NHSL1: variants seen among roughly 807,000 people sequenced by gnomAD.
NHSL1 encodes the protein NHS-like protein 1.
Under a neutral mutation model 95.0 loss-of-function variants are expected in NHSL1, and 48 were observed. The ratio of observed to expected loss-of-function variants is 0.51; its 90% CI spans 0.40 to 0.64. NHSL1 has a LOEUF of 0.64. Ranked by LOEUF, NHSL1 falls within the 30% of genes least tolerant of loss-of-function variation. NHSL1 has a pLI of 0.00. For synonymous variants in NHSL1, 783 were observed against 833.9 expected (o/e 0.94, Z 1.05); for missense variants, 1,971 against 2,077.7 (o/e 0.95, Z 1.00).
rs1202175338 is a variant in NHSL1, at chr6:138,424,177, C to T, written c.4725G>A (p.Leu1575=). The change falls in exon 8 of 8, where the codon CTG becomes CTA. Residue 1575 remains leucine (L), a synonymous_variant. Coordinates refer to ENST00000343505, the MANE Select transcript of NHSL1 (RefSeq NM_001144060.2). The surrounding 1 kb of genome is among the most constrained non-coding windows in gnomAD (Gnocchi z 5.9). ...CCACAGGGCCGGGGGCCTGGGGCTG[C>T]AGGGAGGCGGCAGGCCCCTCCCCAC... The part of the protein sequence containing the change: ...LLCGEGPAAS[L]QPQAPGPVDG... The T allele has an allele frequency of 5.4e-6, 8 of 1,468,114 alleles. No homozygotes were observed. Among genetic ancestry groups the T allele is most frequent in the Non-Finnish European group, 7.2e-6 (8 of 1,113,362 alleles). The allele number at this position is 1,468,114 out of a possible 1,614,324, so 90.9% of individuals were successfully genotyped here. A position where few individuals can be genotyped will look rare whatever the true frequency, so the allele number is the denominator to read the frequency against.
intron 1 of NHSL1, among the ~76,000 whole-genome samples, chr6:138,628,248 G>A (rs1399040789): frequency 6.6e-6 from 1 of 150,970 alleles, no homozygotes; most frequent in Admixed American, 6.6e-5. Flanking sequence ...GGAAGCGGAG[G>A]TTGCGGTGAG....
intron 1 of NHSL1, among the ~76,000 whole-genome samples, chr6:138,596,074 T>C (rs1784299655): frequency 6.6e-6 from 1 of 152,152 alleles, no homozygotes; most frequent in South Asian, 2.1e-4. Flanking sequence ...TTGCAGGTCT[T>C]ATGCAAAGGA....
chr6:138,626,493 A>G (rs573768695), intron 1 of NHSL1, among the ~76,000 whole-genome samples: 1 of 152,318 alleles, frequency 6.6e-6, no homozygotes, highest in South Asian at 2.1e-4. Flanking sequence ...CCATTAAAAC[A>G]CAGAATTTAA....
chr6:138,652,932 T>C (rs1182389113), intron 1 of NHSL1, among the ~76,000 whole-genome samples: 3 of 152,200 alleles, frequency 2.0e-5, no homozygotes, highest in Non-Finnish European at 4.4e-5. Flanking sequence ...GGCACTGGGA[T>C]TGAGGTTAGC....
chr6:138,580,888 G>A (rs1030030663), intron 1 of NHSL1, among the ~76,000 whole-genome samples: 1 of 152,202 alleles, frequency 6.6e-6, no homozygotes, highest in Non-Finnish European at 1.5e-5. Flanking sequence ...AGCCCTGGGC[G>A]GGCTATAAAC....
At chr6:138,490,576 G>C (rs1224061090) in intron 2 of NHSL1, among the ~76,000 whole-genome samples, 1 of 152,152 alleles carries the variant, frequency 6.6e-6, no homozygotes, top group Non-Finnish European at 1.5e-5. Context: ...GTCGGTAACT[G>C]TAGAGAAATC....
chr6:138,451,777 A>G (rs1777253624), intron 3 of NHSL1, among the ~76,000 whole-genome samples: 1 of 152,226 alleles, frequency 6.6e-6, no homozygotes, highest in South Asian at 2.1e-4. Context: ...GAAACAGTGT[A>G]AAATAACAAT....
chr6:138,624,600 G>T (rs989331667), intron 1 of NHSL1, among the ~76,000 whole-genome samples: 1 of 152,132 alleles, frequency 6.6e-6, no homozygotes, highest in African/African-American at 2.4e-5. Context: ...TTTCCTGAAT[G>T]GACAATTAAG....
rs1367384472 is a variant in NHSL1 at position 138,431,280 on chromosome 6, G to A, written c.3065C>T (p.Pro1022Leu). 2 of 1,503,192 alleles carry A rather than the reference G, an allele frequency of 1.3e-6. No individual in the cohort carries two copies. Among genetic ancestry groups the A allele is most frequent in the East Asian group, 4.9e-5 (2 of 40,488 alleles). The allele number at this position is 1,503,192 out of a possible 1,614,324, so 93.1% of individuals were successfully genotyped here. The change falls in exon 6 of 8, where the codon CCT (proline) becomes CTT (leucine). Residue 1022 changes from proline to leucine, a missense_variant. Transcript: ENST00000343505. This position sits in a 1 kb window ranked among gnomAD's most constrained non-coding sequence, Gnocchi z 4.0. ...PPLLPSSEPP[P>L]APPLDPKFMK... ...GAATTTGGGGTCAAGAGGTGGGGCA[G>A]GTGGGGGTTCCGAGGAAGGTAAGAG...
chr6:138,606,540 C>A (rs1784435928), intron 1 of NHSL1, among the ~76,000 whole-genome samples: 1 of 152,158 alleles, frequency 6.6e-6, no homozygotes, highest in East Asian at 1.9e-4. Context: ...GCCCTTATCA[C>A]AGATCCACTT....
At chr6:138,643,597 T>C (rs1228510497) in intron 1 of NHSL1, among the ~76,000 whole-genome samples, 1 of 152,188 alleles carries the variant, frequency 6.6e-6, no homozygotes, top group Non-Finnish European at 1.5e-5. Flanking sequence ...ATACCTGAAT[T>C]AGCACTTAGA....
chr6:138,435,627 G>C (rs1470681968), intron 5 of NHSL1, among the ~76,000 whole-genome samples: 1 of 151,742 alleles, frequency 6.6e-6, no homozygotes, highest in African/African-American at 2.4e-5. Context: ...AAAAGTTTCA[G>C]AATATGATAG....
Position 138,433,623 on chromosome 6 carries a change from T to C in NHSL1, c.722A>G (p.Tyr241Cys), listed in dbSNP as rs1235515969. Residue 241 changes from tyrosine to cysteine, a missense_variant, in exon 6 of 8, where the codon TAC becomes TGC. This residue lies in a region of NHSL1 where 1,602 missense variants were observed against 1,654.5 expected (regional missense o/e 0.97). Coordinates refer to ENST00000343505, the MANE Select transcript of NHSL1 (RefSeq NM_001144060.2). ...DGHSVYTPDH[Y>C]STLGRFNSCR... ...GCTATTGAACCTTCCTAGTGTAGAG[T>C]AGTGATCAGGGGTGTACACTGAGTG... 8 of 1,551,886 alleles carry C rather than the reference T, an allele frequency of 5.2e-6. No homozygotes were observed. The highest frequency in any genetic ancestry group is 4.9e-5 in the East Asian group (2 of 40,910).
chr6:138,545,750 C>T (rs780185641), upstream of NHSL1: 126 of 1,225,440 alleles, frequency 1.0e-4, no homozygotes, highest in Middle Eastern at 2.3e-4. Flanking sequence ...GAGAGCGGGG[C>T]GGCCAGCCAG....
chr6:138,509,110 C>T (rs1781100209), intron 1 of NHSL1, among the ~76,000 whole-genome samples: 1 of 152,200 alleles, frequency 6.6e-6, no homozygotes, highest in Non-Finnish European at 1.5e-5. Flanking sequence ...TTTCTGAATG[C>T]CTATAAAGGA....
chr6:138,424,954 G>T lies in NHSL1; in HGVS notation c.4086-138C>A. 1 of 729,848 alleles carries T rather than the reference G, an allele frequency of 1.4e-6. No homozygotes were observed. Among genetic ancestry groups the T allele is most frequent in the Non-Finnish European group, 2.2e-6 (1 of 455,982 alleles). The allele number at this position is 729,848 out of a possible 1,614,324, so 45.2% of individuals were successfully genotyped here. ...TTTCAAAAAATTTATTTTTGACTGG[G>T]CACAGTGGCTCACACCTGTAATCCC... On this transcript the variant is annotated intron_variant, in intron 7 of 7. Transcript: ENST00000343505. This position sits in a 1 kb window ranked among gnomAD's most constrained non-coding sequence, Gnocchi z 5.9.
chr6:138,670,641 G>A (rs1442347934), intron 1 of NHSL1, among the ~76,000 whole-genome samples: 1 of 143,212 alleles, frequency 7.0e-6, no homozygotes, highest in Admixed American at 6.9e-5. Flanking sequence ...ACTCCAGCCT[G>A]GGCGACAAAG....
chr6:138,528,792 T>A (rs918540323), intron 1 of NHSL1, among the ~76,000 whole-genome samples: 1 of 152,182 alleles, frequency 6.6e-6, no homozygotes, highest in African/African-American at 2.4e-5. Flanking sequence ...GTTTTTAGAA[T>A]TGCAGTAAGA....
chr6:138,472,479 T>C (rs1778816742), intron 3 of NHSL1, among the ~76,000 whole-genome samples: 1 of 152,198 alleles, frequency 6.6e-6, no homozygotes, highest in Non-Finnish European at 1.5e-5. Context: ...AAAAGGACAA[T>C]AAATTTTGAA....
Sources: gnomAD v4.1 joint callset for allele counts (sites outside exome capture counted in the v4.1 genomes callset) on GRCh38, gnomAD v4.1.1 for gene constraint, gnomAD v4.1.1 regional missense constraint, Gnocchi (gnomAD v3.1) non-coding constraint, MANE v1.5 for transcripts, NCBI Gene and HGNC (gene_info 2026-07-23, HGNC 2026-07-21) for gene names.